The following PHTF2 variants were observed in gnomAD, a reference collection of about 807,000 sequenced individuals.
PHTF2 encodes the protein protein PHTF2.
In PHTF2, 60 loss-of-function variants were observed where a neutral mutation model predicts 101.2. The observed-to-expected ratio is 0.59, with a 90% CI of 0.48 to 0.73. The LOEUF (loss-of-function observed/expected upper bound fraction) is 0.73, where lower values mean the gene tolerates loss of function less well. Among genes scored for constraint, PHTF2 ranks in the 30% least tolerant of loss-of-function variants. PHTF2 has a pLI of 0.00. For missense variants in PHTF2, 747 were observed against 908.7 expected (o/e 0.82, Z 2.29); for synonymous variants, 311 against 307.3 (o/e 1.01, Z -0.13).
chr7:77,912,644 A>C (rs1291452631), intron 9 of PHTF2, among the ~76,000 whole-genome samples: 1 of 149,500 alleles, frequency 6.7e-6, no homozygotes, highest in Non-Finnish European at 1.5e-5. Flanking sequence ...TAGGTTGAGA[A>C]CCACTATTCT....
At chr7:77,912,267 A>C (rs1421885346) in intron 9 of PHTF2, among the ~76,000 whole-genome samples, 1 of 152,242 alleles carries the variant, frequency 6.6e-6, no homozygotes, top group African/African-American at 2.4e-5. Context: ...TAAATATTTT[A>C]AAAGATGTAC....
intron 1 of PHTF2, among the ~76,000 whole-genome samples, chr7:77,823,026 T>G (rs1794422346): frequency 6.8e-6 from 1 of 147,640 alleles, no homozygotes; most frequent in South Asian, 2.2e-4. Context: ...TGCCTCAGCC[T>G]CCCGAGTAGC....
At chr7:77,874,204 G>GACTA (rs1406083564) in intron 3 of PHTF2, among the ~76,000 whole-genome samples, 1 of 152,060 alleles carries the variant, frequency 6.6e-6, no homozygotes, top group East Asian at 1.9e-4. Context: ...TCATGCCAAG[G>GACTA]ACTAACAGTG....
At chr7:77,826,838 G>C (rs1241231066) in intron 1 of PHTF2, among the ~76,000 whole-genome samples, 1 of 152,268 alleles carries the variant, frequency 6.6e-6, no homozygotes, top group East Asian at 1.9e-4. Flanking sequence ...TAACATGTAA[G>C]AGCACAGAGA....
At chr7:77,854,082 T>C (rs1330886421) in intron 2 of PHTF2, among the ~76,000 whole-genome samples, 1 of 152,184 alleles carries the variant, frequency 6.6e-6, no homozygotes. Flanking sequence ...CTATCCTTCT[T>C]GGGAAGGATT....
chr7:77,814,217 C>G (rs1330826562), intron 1 of PHTF2, among the ~76,000 whole-genome samples: 1 of 152,150 alleles, frequency 6.6e-6, no homozygotes, highest in Non-Finnish European at 1.5e-5. Context: ...ACTGAATTAG[C>G]CAATAGTGAA....
At chr7:77,832,909 T>C (rs560573177) in intron 1 of PHTF2, among the ~76,000 whole-genome samples, 1 of 152,302 alleles carries the variant, frequency 6.6e-6, no homozygotes, top group Non-Finnish European at 1.5e-5. Flanking sequence ...AAAAATTGTC[T>C]TCCACAAAAC....
chr7:77,920,786 A>G (rs977042332), intron 10 of PHTF2, among the ~76,000 whole-genome samples: 3 of 152,024 alleles, frequency 2.0e-5, no homozygotes, highest in Admixed American at 1.3e-4. Context: ...GGCACAAACG[A>G]TCTTCCCACC....
chr7:77,911,856 A>T (rs958234061), intron 9 of PHTF2, among the ~76,000 whole-genome samples: 3 of 151,984 alleles, frequency 2.0e-5, no homozygotes, highest in African/African-American at 4.8e-5. Context: ...TTAGTCTTTT[A>T]AAAAAAATGT....
intron 7 of PHTF2, among the ~76,000 whole-genome samples, chr7:77,902,877 C>A (rs973549916): frequency 3.9e-5 from 6 of 152,024 alleles, no homozygotes; most frequent in African/African-American, 1.4e-4. Flanking sequence ...ATCTTATATA[C>A]ATAAAAGGGT....
At chr7:77,820,630 A>C (rs953269087) in intron 1 of PHTF2, among the ~76,000 whole-genome samples, 1 of 152,032 alleles carries the variant, frequency 6.6e-6, no homozygotes, top group East Asian at 1.9e-4. Context: ...CTTCCTCCCC[A>C]GTCTCCCAAA....
At chr7:77,811,127 C>T (rs1434178987) in intron 1 of PHTF2, among the ~76,000 whole-genome samples, 1 of 152,180 alleles carries the variant, frequency 6.6e-6, no homozygotes, top group Non-Finnish European at 1.5e-5. Context: ...GTCTCAAACT[C>T]CTGACCTCAA....
At chr7:77,814,513 ATTTT>A (rs771740540) in intron 1 of PHTF2, among the ~76,000 whole-genome samples, 1 of 134,902 alleles carries the variant, frequency 7.4e-6, no homozygotes, top group Non-Finnish European at 1.6e-5. Context: ...CTTGGGGGGC[ATTTT>A]TTTTTTTTTT....
intron 12 of PHTF2, among the ~76,000 whole-genome samples, chr7:77,931,563 C>G (rs1804568354): frequency 6.6e-6 from 1 of 152,048 alleles, no homozygotes; most frequent in African/African-American, 2.4e-5. Flanking sequence ...AATTTAAAAC[C>G]TGATAAATTT....
chr7:77,947,201 T>A (rs1806123632), intron 16 of PHTF2, among the ~76,000 whole-genome samples: 1 of 152,062 alleles, frequency 6.6e-6, no homozygotes, highest in Non-Finnish European at 1.5e-5. Context: ...CGAGAATAAT[T>A]CTAACAAAAG....
intron 3 of PHTF2, among the ~76,000 whole-genome samples, chr7:77,892,425 A>T (rs1352464902): frequency 6.6e-6 from 1 of 152,234 alleles, no homozygotes; most frequent in Non-Finnish European, 1.5e-5. Context: ...ATAAAAAATA[A>T]TGTGTAGATT....
rs571008557 is a variant in PHTF2, at chr7:77,846,434, G to A, written c.45+6134G>A. On this transcript the variant is annotated intron_variant, in intron 2 of 19. Coordinates refer to ENST00000416283, the Ensembl canonical transcript of PHTF2. ...GCTTATTATGTGCCACTTTTTCAATGCTTTACATATATTAAATAACACAGT... is the reference window on the plus strand; with the variant it reads ...GCTTATTATGTGCCACTTTTTCAATACTTTACATATATTAAATAACACAGT... 9.9e-5 allele frequency among the ~76,000 whole-genome samples: 15 copies of A among 152,266 alleles called. 1 individual carries two copies. The South Asian group carries it at 3.1e-3, about 32-fold the overall frequency.
chr7:77,915,304 C>T (rs924783767), intron 9 of PHTF2, among the ~76,000 whole-genome samples: 5 of 151,774 alleles, frequency 3.3e-5, no homozygotes, highest in Admixed American at 1.3e-4. Context: ...CTGCAACCTC[C>T]GCCTCCCGGG....
chr7:77,908,753 C>T, intron 7 of PHTF2, 40 bp from the exon 7 acceptor site: 1 of 1,313,452 alleles, frequency 7.6e-7, no homozygotes, highest in Non-Finnish European at 1.0e-6. Flanking sequence ...AGGTGACTAT[C>T]AGATCTATAA....
Sources: gnomAD v4.1 joint callset for allele counts (sites outside exome capture counted in the v4.1 genomes callset) on GRCh38, gnomAD v4.1.1 for gene constraint, MANE v1.5 for transcripts, NCBI Gene and HGNC (gene_info 2026-07-23, HGNC 2026-07-21) for gene names.